HNRNPM: variants seen among roughly 807,000 people sequenced by gnomAD.
HNRNPM encodes heterogeneous nuclear ribonucleoprotein M, also known as CEA receptor.
Under a neutral mutation model 73.1 loss-of-function variants are expected in HNRNPM, and 11 were observed. The ratio of observed to expected loss-of-function variants is 0.15; its 90% confidence interval spans 0.09 to 0.25. The LOEUF (loss-of-function observed/expected upper bound fraction) is 0.25. Ranked by LOEUF, HNRNPM falls within the 10% of genes least tolerant of loss-of-function variation. The probability of loss-of-function intolerance (pLI) is 1.00; values close to 1 mark genes in which losing one functional copy is unlikely to be tolerated. For missense variants in HNRNPM, 789 were observed against 1,067.9 expected (o/e 0.74, Z 3.64); for synonymous variants, 407 against 355.2 (o/e 1.15, Z -1.64).
At position 8,462,946 on chromosome 19, in the gene HNRNPM, G is replaced by A. The variant is rs1248112734; in HGVS notation, c.336+365G>A. Among the ~76,000 whole-genome samples the A allele has an allele frequency of 6.6e-6, 1 of 152,142 alleles. No homozygotes were observed. The highest frequency in any genetic ancestry group is 1.5e-5 in the Non-Finnish European group (1 of 68,012). ...TTCTTGTCTAGAAAATGTTACTCTT[G>A]GTTGTTTGCTGAATTTGAAAGTTGT... On this transcript the variant is annotated intron_variant, in intron 3 of 15. Transcript: ENST00000325495. The surrounding 1 kb of genome is among the most constrained non-coding windows in gnomAD (Gnocchi z 4.5).
chr19:8,485,533 G>C, intron 13 of HNRNPM, 70 bp from the exon 14 acceptor site: 1 of 1,444,196 alleles, frequency 6.9e-7, no homozygotes, highest in Non-Finnish European at 9.5e-7. Flanking sequence ...GAGCTGAAGT[G>C]GTCTGGCGTG....
intron 1 of HNRNPM, chr19:8,445,700 C>T (rs1184899918): frequency 6.6e-6 from 1 of 152,412 alleles, no homozygotes; most frequent in South Asian, 2.1e-4. Flanking sequence ...GGAAGTGCCT[C>T]CCTCGGAACC....
At chr19:8,458,900 T>G (rs1969204002) in intron 2 of HNRNPM, among the ~76,000 whole-genome samples, 1 of 152,212 alleles carries the variant, frequency 6.6e-6, no homozygotes, top group Admixed American at 6.5e-5. Flanking sequence ...TCTACTTGCT[T>G]CTTCATATTT....
intron 13 of HNRNPM, among the ~76,000 whole-genome samples, chr19:8,484,576 T>A (rs7250951): frequency 0.05 from 7,560 of 152,276 alleles, 377 homozygotes; most frequent in African/African-American, 0.13. Flanking sequence ...AGTCACACAT[T>A]CTTAGAGTCG....
At chr19:8,451,781 C>G (rs1045472598) in intron 1 of HNRNPM, among the ~76,000 whole-genome samples, 1 of 152,162 alleles carries the variant, frequency 6.6e-6, no homozygotes, top group Non-Finnish European at 1.5e-5. Flanking sequence ...CTCAGCTCAC[C>G]TCAGCCTCCC....
chr19:8,479,901 A>G (rs1433949155), intron 12 of HNRNPM, among the ~76,000 whole-genome samples: 7 of 148,602 alleles, frequency 4.7e-5, no homozygotes, highest in African/African-American at 1.7e-4. Flanking sequence ...CAGCCTCCAG[A>G]GTAGCTGGGA....
chr19:8,451,789 C>T (rs7249938), intron 1 of HNRNPM, among the ~76,000 whole-genome samples: 1,687 of 152,240 alleles, frequency 0.011, 35 homozygotes, highest in African/African-American at 0.038. Flanking sequence ...ACCTCAGCCT[C>T]CCAAACTGCT....
rs950470775 is a variant in HNRNPM, at chr19:8,448,035, A to G, written c.113+2924A>G. ...AGCGATACTCCTTCTTCAAACAAACAAACAAACAAGAACACTGAAGTTGCT... is the reference window on the plus strand; with the variant it reads ...AGCGATACTCCTTCTTCAAACAAACGAACAAACAAGAACACTGAAGTTGCT... On this transcript the variant is annotated intron_variant, in intron 1 of 15. Transcript: ENST00000325495. 1.3e-5 allele frequency among the ~76,000 whole-genome samples: 2 copies of G among 152,180 alleles called. 1 individual carries two copies. Among genetic ancestry groups the G allele is most frequent in the Non-Finnish European group, 2.9e-5 (2 of 68,028 alleles).
intron 5 of HNRNPM, among the ~76,000 whole-genome samples, 192 bp from the exon 6 acceptor site, chr19:8,465,132 C>T (rs1419606187): frequency 6.6e-6 from 1 of 152,108 alleles, no homozygotes; most frequent in Non-Finnish European, 1.5e-5. Flanking sequence ...GCCTTTTCTT[C>T]CTTTCCTATT....
Position 8,487,069 on chromosome 19 carries a change from G to A in HNRNPM, c.2023G>A (p.Glu675Lys). The A allele has an allele frequency of 1.2e-6, 2 of 1,613,436 alleles. No homozygotes were observed. The highest frequency in any genetic ancestry group is 1.1e-5 in the South Asian group (1 of 91,070). The change falls in exon 15 of 16, where the codon GAG (glutamate) becomes AAG (lysine). Residue 675 changes from glutamate to lysine, a missense_variant. Around this residue, in one of 4 missense-constraint regions of HNRNPM, gnomAD observed 43 missense variants for 105.8 expected, o/e 0.41. Transcript: ENST00000325495. ...TWKMLKDKFN[E>K]CGHVLYADIK... is the part of the protein sequence containing the mutation. ...GAAGATGCTAAAGGACAAATTCAAC[G>A]AGTGCGGTAAGTGTTGGGAACGGCT...
chr19:8,472,136 A>C (rs934953023), intron 10 of HNRNPM, among the ~76,000 whole-genome samples: 3 of 149,502 alleles, frequency 2.0e-5, no homozygotes, highest in Non-Finnish European at 3.0e-5. Flanking sequence ...ACATGACTGC[A>C]CTTCAGCCTG....
In HNRNPM at chr19:8,488,770, G is replaced by C; in HGVS notation, c.2109G>C (p.Glu703Asp). The C allele has an allele frequency of 6.2e-7, 1 of 1,614,190 alleles. No individual in the cohort carries two copies. The highest frequency in any genetic ancestry group is 8.5e-7 in the Non-Finnish European group (1 of 1,180,034). Residue 703 changes from glutamate (E) to aspartate (D), a missense_variant, in exon 16 of 16, where the codon GAG (glutamate) becomes GAC (aspartate). By Grantham distance (45) the Glu-to-Asp change is conservative (BLOSUM62 2). Transcript: ENST00000325495. Reference protein sequence around the residue: ...GCGVVKFESPEVAERACRMMN... With the variant: ...GCGVVKFESPDVAERACRMMN... ...GCGTGGTTAAGTTCGAGTCGCCAGA[G>C]GTGGCCGAGAGAGCCTGCCGGATGA...
At position 8,485,896 on chromosome 19, in the gene HNRNPM, A is replaced by G. The variant is rs769638506; in HGVS notation, c.1468A>G (p.Met490Val). ...TGGCGTGGAGCGCATGGGTGCCGGC[A>G]TGGGCTTCGGCCTTGAGCGCATGGC... ...GSGVERMGAG[M>V]GFGLERMAAP... The change falls in exon 14 of 16, where the codon ATG becomes GTG. Residue 490 changes from methionine to valine, a missense_variant. Met to Val is a conservative substitution (Grantham distance 21). Around this residue, in one of 4 missense-constraint regions of HNRNPM, gnomAD observed 604 missense variants for 744.0 expected, o/e 0.81. Transcript: ENST00000325495. 8.1e-6 allele frequency: 13 copies of G among 1,604,284 alleles called. No individual in the cohort carries two copies. Among genetic ancestry groups the G allele is most frequent in the African/African-American group, 2.7e-5 (2 of 74,376 alleles).
chr19:8,462,618 A>G lies in HNRNPM; in HGVS notation c.336+37A>G, dbSNP rs1969475405. On this transcript the variant is annotated intron_variant, in intron 3 of 15. Transcript: ENST00000325495. This position sits in a 1 kb window ranked among gnomAD's most constrained non-coding sequence, Gnocchi z 4.5. ...AGAGAATTTCTTCTGTGGATTTACT[A>G]CATGAAAAATGTAACTGTATGGTGG... 2.0e-6 allele frequency: 3 copies of G among 1,537,334 alleles called. No individual in the cohort carries two copies. Among genetic ancestry groups the G allele is most frequent in the African/African-American group, 1.4e-5 (1 of 73,338 alleles).
At chr19:8,459,397 A>G (rs537766003) in intron 2 of HNRNPM, among the ~76,000 whole-genome samples, 1 of 152,312 alleles carries the variant, frequency 6.6e-6, no homozygotes, top group Admixed American at 6.5e-5. Flanking sequence ...TAACATGTCC[A>G]TAAGCCAAGT....
chr19:8,474,885 TTA>T (rs1970396200), intron 12 of HNRNPM, among the ~76,000 whole-genome samples: 1 of 152,080 alleles, frequency 6.6e-6, no homozygotes, highest in Admixed American at 6.6e-5. Flanking sequence ...TGGATAATTT[TTA>T]TATGTTTAGT....
rs748431989 is a variant in HNRNPM, at chr19:8,466,400, C to T, written c.784+12C>T. The T allele has an allele frequency of 1.6e-5, 26 of 1,613,482 alleles. No individual in the cohort carries two copies. The highest frequency in any genetic ancestry group is 2.2e-5 in the Non-Finnish European group (26 of 1,179,592). ...TGTGCAAGCTATATGTATCCTTCTGCAGGAATTCAACTTATGAACAGTTTG... is the reference window on the plus strand; with the variant it reads ...TGTGCAAGCTATATGTATCCTTCTGTAGGAATTCAACTTATGAACAGTTTG... On this transcript the variant is annotated intron_variant, in intron 7 of 15. Transcript: ENST00000325495.
chr19:8,445,626 G>A (rs2145591089), intron 1 of HNRNPM: 1 of 152,508 alleles, frequency 6.6e-6, no homozygotes, highest in South Asian at 2.1e-4. Context: ...GGGCCGCGAA[G>A]CCGGGTCGGG....
intron 2 of HNRNPM, chr19:8,461,910 C>T (rs1439349640): frequency 2.6e-5 from 4 of 152,300 alleles, no homozygotes; most frequent in African/African-American, 4.8e-5. Flanking sequence ...CAACACAAAA[C>T]GAAAACAAGG....
Sources: allele counts gnomAD v4.1 joint callset (sites outside exome capture counted in the v4.1 genomes callset), GRCh38; gene constraint gnomAD v4.1.1; regional missense constraint gnomAD v4.1.1; non-coding constraint Gnocchi (gnomAD v3.1); transcripts MANE v1.5; gene names NCBI Gene and HGNC (gene_info 2026-07-23, HGNC 2026-07-21).